Variants in SDC2 observed in about 807,000 individuals in gnomAD.
SDC2 encodes syndecan 2.
SDC2 carries 13 observed loss-of-function variants against 22.2 expected under a neutral mutation model. The ratio of observed to expected loss-of-function variants is 0.59; its 90% confidence interval spans 0.38 to 0.93. The LOEUF (loss-of-function observed/expected upper bound fraction) is 0.93. Among genes scored for constraint, SDC2 ranks in the 40% least tolerant of loss-of-function variants. SDC2 has a pLI of 0.00. For synonymous variants in SDC2, 94 were observed against 92.8 expected (o/e 1.01, Z -0.07); for missense variants, 235 against 246.8 (o/e 0.95, Z 0.32).
intron 1 of SDC2, among the ~76,000 whole-genome samples, chr8:96,521,090 C>T (rs1418154258): frequency 6.6e-6 from 1 of 152,186 alleles, no homozygotes; most frequent in Non-Finnish European, 1.5e-5. Context: ...AACTTAAGTC[C>T]AGGTGTCTTC....
intron 1 of SDC2, among the ~76,000 whole-genome samples, chr8:96,549,486 C>G (rs1319456435): frequency 6.6e-6 from 1 of 152,162 alleles, no homozygotes; most frequent in Non-Finnish European, 1.5e-5. Context: ...CTGGGCAGCT[C>G]TTTTGGAAAT....
intron 2 of SDC2, 34 bp from the exon 3 acceptor site, chr8:96,602,361 G>A (rs1188384037): frequency 6.2e-6 from 10 of 1,608,814 alleles, no homozygotes; most frequent in Non-Finnish European, 8.5e-6. Context: ...TGTCATGATT[G>A]CCATGCTCAG....
intron 1 of SDC2, among the ~76,000 whole-genome samples, chr8:96,515,932 G>A (rs73698106): frequency 0.013 from 2,054 of 152,182 alleles, 63 homozygotes; most frequent in African/African-American, 0.047. Context: ...ACCAACTTAC[G>A]GCTCCCTAGC....
chr8:96,570,213 G>A (rs749891854), intron 1 of SDC2, among the ~76,000 whole-genome samples: 11 of 152,154 alleles, frequency 7.2e-5, no homozygotes, highest in African/African-American at 2.7e-4. Context: ...TGGTGCCAGG[G>A]TTTCAGCGAC....
chr8:96,574,323 A>C (rs1208741942), intron 1 of SDC2, among the ~76,000 whole-genome samples: 1 of 152,184 alleles, frequency 6.6e-6, no homozygotes, highest in Non-Finnish European at 1.5e-5. Flanking sequence ...TGAGGGGAAG[A>C]GAAAGAAGTG....
At chr8:96,604,609 G>A (rs897810284) in intron 3 of SDC2, among the ~76,000 whole-genome samples, 2 of 149,796 alleles carry the variant, frequency 1.3e-5, no homozygotes, top group African/African-American at 4.9e-5. Flanking sequence ...TTTTCAATTG[G>A]TCTCACAGTG....
At chr8:96,580,500 T>C (rs1814572350) in intron 1 of SDC2, 1 of 985,298 alleles carries the variant, frequency 1.0e-6, no homozygotes, top group Admixed American at 6.1e-5. Flanking sequence ...GTGAGCATCA[T>C]GACTACAGAC....
At chr8:96,524,352 G>C (rs923978927) in intron 1 of SDC2, among the ~76,000 whole-genome samples, 1 of 152,152 alleles carries the variant, frequency 6.6e-6, no homozygotes, top group Admixed American at 6.5e-5. Flanking sequence ...GCTGCTGCTC[G>C]CTGTCTGTGC....
chr8:96,546,238 A>G (rs1660434304), intron 1 of SDC2, among the ~76,000 whole-genome samples: 1 of 152,210 alleles, frequency 6.6e-6, no homozygotes, highest in African/African-American at 2.4e-5. Context: ...GGAATCTATG[A>G]ACCCTGGATG....
rs1197853832 is a variant in SDC2, at chr8:96,602,456, G to GTTGACTAGTGCTGCTCCAA, written c.235_253dup (p.Lys85IlefsTer3). 1 of 1,614,010 alleles carries GTTGACTAGTGCTGCTCCAA rather than the reference G, an allele frequency of 6.2e-7. No individual in the cohort carries two copies. Among genetic ancestry groups the GTTGACTAGTGCTGCTCCAA allele is most frequent in the African/African-American group, 1.3e-5 (1 of 74,930 alleles). Reference sequence around the variant, plus strand: ...CATCTCGACCACTTCCAAAGATACTGTTGACTAGTGCTGCTCCAAAAGTGG... The same window carrying GTTGACTAGTGCTGCTCCAA: ...CATCTCGACCACTTCCAAAGATACTGTTGACTAGTGCTGCTCCAATTGACTAGTGCTGCTCCAAAAGTGG... On this transcript the variant is annotated frameshift_variant, in exon 3 of 5. Coordinates refer to ENST00000302190, the MANE Select transcript of SDC2 (RefSeq NM_002998.4). LOFTEE classifies it high-confidence loss of function.
intron 1 of SDC2, among the ~76,000 whole-genome samples, chr8:96,590,841 T>C (rs1247243206): frequency 6.6e-6 from 1 of 152,166 alleles, no homozygotes. Context: ...AAACACACTT[T>C]TGGCTGCCTT....
At chr8:96,561,448 C>T (rs1242563137) in intron 1 of SDC2, among the ~76,000 whole-genome samples, 3 of 152,106 alleles carry the variant, frequency 2.0e-5, no homozygotes, top group Admixed American at 1.3e-4. Flanking sequence ...CATTTTAGAG[C>T]GCTTGTATAA....
intron 1 of SDC2, among the ~76,000 whole-genome samples, chr8:96,507,133 T>G (rs1298358103): frequency 1.3e-5 from 2 of 152,208 alleles, no homozygotes; most frequent in Non-Finnish European, 2.9e-5. Flanking sequence ...ATTTTAGAGC[T>G]GGAATGGACT....
intron 1 of SDC2, among the ~76,000 whole-genome samples, chr8:96,587,098 A>G (rs1814699803): frequency 6.6e-6 from 1 of 151,936 alleles, no homozygotes; most frequent in South Asian, 2.1e-4. Flanking sequence ...AATTTTTTGT[A>G]TTTTTAGTAG....
chr8:96,598,532 C>T (rs900059274), intron 2 of SDC2, among the ~76,000 whole-genome samples: 6 of 152,030 alleles, frequency 3.9e-5, no homozygotes, highest in Admixed American at 6.6e-5. Context: ...TCAGGAGAAT[C>T]GCTTGAACTC....
chr8:96,608,512 A>T (rs751706836), intron 4 of SDC2, 42 bp downstream of exon 4: 6 of 1,567,154 alleles, frequency 3.8e-6, no homozygotes, highest in Admixed American at 1.8e-5. Flanking sequence ...GTGCCTACAT[A>T]GGCCTCTGTT....
chr8:96,533,337 T>G (rs1045975920), intron 1 of SDC2, among the ~76,000 whole-genome samples: 3 of 152,188 alleles, frequency 2.0e-5, no homozygotes, highest in Non-Finnish European at 2.9e-5. Context: ...GAAAGCTGAT[T>G]GGTCTGTTTT....
chr8:96,499,797 G>T (rs1477491173), intron 1 of SDC2, among the ~76,000 whole-genome samples: 3 of 151,564 alleles, frequency 2.0e-5, no homozygotes, highest in African/African-American at 7.3e-5. Context: ...ATGAAATGAG[G>T]GAGCCATGTC....
In SDC2 at chr8:96,593,535, A is replaced by G. The variant is rs1175649013; in HGVS notation, c.116A>G (p.Glu39Gly). 1 of 1,614,136 alleles carries G rather than the reference A, an allele frequency of 6.2e-7. No individual in the cohort carries two copies. The highest frequency in any genetic ancestry group is 1.1e-5 in the South Asian group (1 of 91,088). Reference protein sequence around the residue: ...DMYLDNSSIEEASGVYPIDDD... With the variant: ...DMYLDNSSIEGASGVYPIDDD... ...TACCTTGACAACAGCTCCATTGAAG[A>G]AGCTTCAGGAGTGTATCCTATTGAT... Residue 39 changes from glutamate to glycine, a missense_variant, in exon 2 of 5, where the codon GAA (glutamate) becomes GGA (glycine). Glu to Gly is a moderately conservative substitution (Grantham distance 98). Coordinates refer to ENST00000302190, the MANE Select transcript of SDC2 (RefSeq NM_002998.4).
Sources: gnomAD v4.1 joint callset for allele counts (sites outside exome capture counted in the v4.1 genomes callset) on GRCh38, gnomAD v4.1.1 for gene constraint, MANE v1.5 for transcripts, NCBI Gene and HGNC (gene_info 2026-07-23, HGNC 2026-07-21) for gene names.